The following SPIN1 variants were observed in gnomAD, a reference collection of about 807,000 sequenced individuals.
The protein encoded by SPIN1 is spindlin-1.
In SPIN1, 3 loss-of-function variants were observed where a neutral mutation model predicts 26.0. The observed-to-expected ratio is 0.12, with a 90% CI of 0.05 to 0.30. The LOEUF is 0.30. SPIN1 is among the 10% of genes least tolerant of loss of function. The pLI, the probability that SPIN1 is intolerant of heterozygous loss-of-function variation, is 1.00. For missense variants in SPIN1, 126 were observed against 333.4 expected (o/e 0.38, Z 4.84); for synonymous variants, 101 against 116.5 (o/e 0.87, Z 0.86).
At chr9:88,448,892 G>T (rs894316724) in intron 2 of SPIN1, 49 bp from the exon 3 acceptor site, 1 of 1,566,352 alleles carries the variant, frequency 6.4e-7, no homozygotes, top group African/African-American at 1.4e-5. Context: ...GCATTCTGAG[G>T]TATTCTTTTA....
intron 2 of SPIN1, among the ~76,000 whole-genome samples, chr9:88,433,167 A>G (rs954343823): frequency 1.3e-5 from 2 of 151,814 alleles, no homozygotes; most frequent in East Asian, 1.9e-4. Flanking sequence ...GCAGCCTCAA[A>G]CTCCCAGGCT....
At chr9:88,394,139 A>G (rs959784787) in intron 1 of SPIN1, among the ~76,000 whole-genome samples, 2 of 152,170 alleles carry the variant, frequency 1.3e-5, no homozygotes, top group African/African-American at 4.8e-5. Flanking sequence ...GTGAGCCACC[A>G]TGTGTGGCTT....
rs190388394 is a variant in SPIN1 at position 88,470,680 on chromosome 9, C to T, written c.589+2075C>T. Among the ~76,000 whole-genome samples the T allele has an allele frequency of 2.0e-3, 309 of 152,092 alleles. 1 individual carries two copies. The highest frequency in any genetic ancestry group is 2.3e-3 in the Non-Finnish European group (159 of 67,992). ...CGTGATCTCAGCTTACTGCAGCCTC[C>T]GCCTACTGGGTTCAAGCCATTCTCC... On this transcript the variant is annotated intron_variant, in intron 5 of 5. Transcript: ENST00000375859.
At chr9:88,414,190 C>T (rs1454602179) in intron 1 of SPIN1, among the ~76,000 whole-genome samples, 1 of 152,140 alleles carries the variant, frequency 6.6e-6, no homozygotes, top group Admixed American at 6.6e-5. Context: ...TTTATTGGTG[C>T]TTAACTACAT....
intron 1 of SPIN1, chr9:88,410,701 T>C: frequency 1.4e-6 from 2 of 1,420,370 alleles, no homozygotes; most frequent in Non-Finnish European, 2.0e-6. Flanking sequence ...ATTGTTGTAA[T>C]TGCCAAAATC....
At chr9:88,473,028 C>G (rs1000163793) in intron 5 of SPIN1, among the ~76,000 whole-genome samples, 1 of 152,102 alleles carries the variant, frequency 6.6e-6, no homozygotes, top group Non-Finnish European at 1.5e-5. Context: ...AAAATTCTTC[C>G]TATGAATAAG....
intron 2 of SPIN1, among the ~76,000 whole-genome samples, chr9:88,441,839 AAAT>A (rs1828139238): frequency 6.7e-6 from 1 of 148,552 alleles, no homozygotes; most frequent in Non-Finnish European, 1.5e-5. Context: ...TATAAAATAA[AAAT>A]ATGTTACATA....
chr9:88,454,167 G>T (rs1053191674), intron 3 of SPIN1, among the ~76,000 whole-genome samples: 9 of 152,256 alleles, frequency 5.9e-5, no homozygotes, highest in African/African-American at 2.2e-4. Flanking sequence ...ATTGCTCTGT[G>T]AGGGGATGTT....
chr9:88,426,343 C>T (rs767540183), intron 1 of SPIN1, 39 bp from the exon 2 acceptor site: 2 of 450,042 alleles, frequency 4.4e-6, no homozygotes, highest in African/African-American at 2.0e-5. Context: ...ATTTTGCTCT[C>T]TTGATGCTCT....
chr9:88,399,532 C>T (rs960835088), intron 1 of SPIN1, among the ~76,000 whole-genome samples: 1 of 152,036 alleles, frequency 6.6e-6, no homozygotes, highest in Admixed American at 6.6e-5. Context: ...AGAGTTGGAT[C>T]CTTGGCAAAT....
At chr9:88,395,129 T>G (rs1269462839) in intron 1 of SPIN1, among the ~76,000 whole-genome samples, 11 of 152,000 alleles carry the variant, frequency 7.2e-5, no homozygotes, top group Non-Finnish European at 2.9e-5. Flanking sequence ...TTTTTTAACA[T>G]GTAGAACATT....
In SPIN1 at chr9:88,475,290, ACT is replaced by A. The variant is rs757211496; in HGVS notation, c.*16_*17del. On this transcript the variant is annotated 3_prime_UTR_variant, in exon 6 of 6. Transcript: ENST00000375859. The stretch of plus-strand genomic sequence containing the variant: ...GAAAACATCCTAGATGTCATCACAA[ACT>A]CTGCCAAATTTGTGGAACTATGAAA... 372 of 1,607,374 alleles carry A rather than the reference ACT, an allele frequency of 2.3e-4. 1 individual carries two copies. Among genetic ancestry groups the A allele is most frequent in the Admixed American group, 1.0e-3 (61 of 59,394 alleles).
At chr9:88,415,195 C>T (rs762237496) in intron 1 of SPIN1, among the ~76,000 whole-genome samples, 19 of 152,202 alleles carry the variant, frequency 1.2e-4, no homozygotes, top group Admixed American at 2.0e-4. Context: ...TGAACCACTG[C>T]GCCTGGCCTA....
chr9:88,409,904 T>A (rs1349112631), intron 1 of SPIN1, among the ~76,000 whole-genome samples: 1 of 152,170 alleles, frequency 6.6e-6, no homozygotes, highest in Non-Finnish European at 1.5e-5. Context: ...TCCCTCCTTC[T>A]TAAGTTCAGC....
chr9:88,412,646 C>A lies in SPIN1; in HGVS notation c.-158-13736C>A, dbSNP rs1386494375. ...TTATATTTAAGTTATACAAATATTA[C>A]TACCCTGTTAAACAGAAGACCATGG... On this transcript the variant is annotated intron_variant, in intron 1 of 5. Transcript: ENST00000375859. Among the ~76,000 whole-genome samples the A allele has an allele frequency of 2.6e-5, 4 of 152,008 alleles. No individual in the cohort carries two copies. In the East Asian group the frequency reaches 5.8e-4, roughly 22 times the overall value.
At chr9:88,432,251 A>G (rs1319409503) in intron 2 of SPIN1, among the ~76,000 whole-genome samples, 1 of 127,964 alleles carries the variant, frequency 7.8e-6, no homozygotes, top group African/African-American at 3.0e-5. Flanking sequence ...GTGCAATGGC[A>G]TGATCTCAGC....
chr9:88,457,212 T>A (rs1331429334), intron 3 of SPIN1, among the ~76,000 whole-genome samples: 1 of 151,982 alleles, frequency 6.6e-6, no homozygotes, highest in Admixed American at 6.6e-5. Flanking sequence ...TAAAAACACA[T>A]GTCACAAGTC....
At chr9:88,401,075 G>T (rs1325754959) in intron 1 of SPIN1, among the ~76,000 whole-genome samples, 1 of 152,146 alleles carries the variant, frequency 6.6e-6, no homozygotes, top group Non-Finnish European at 1.5e-5. Context: ...TGCATTGTTG[G>T]TGGAACTGTA....
At chr9:88,438,567 T>C (rs1045513300) in intron 2 of SPIN1, among the ~76,000 whole-genome samples, 4 of 152,222 alleles carry the variant, frequency 2.6e-5, no homozygotes, top group African/African-American at 7.2e-5. Context: ...AGATCAAATA[T>C]ATAGATTAGA....
Sources: gnomAD v4.1 joint callset for allele counts (sites outside exome capture counted in the v4.1 genomes callset) on GRCh38, gnomAD v4.1.1 for gene constraint, MANE v1.5 for transcripts, NCBI Gene and HGNC (gene_info 2026-07-23, HGNC 2026-07-21) for gene names.